ST6GALNAC2: variants seen among roughly 807,000 people sequenced by gnomAD.
ST6GALNAC2 encodes alpha-N-acetylgalactosaminide alpha-2,6-sialyltransferase 2.
In ST6GALNAC2, 42 loss-of-function variants were observed where a neutral mutation model predicts 38.7. That is an observed-to-expected ratio of 1.09 (90% confidence interval 0.85 to 1.40). ST6GALNAC2 has a LOEUF of 1.40. Among genes scored for constraint, ST6GALNAC2 ranks in the 40% most tolerant of loss-of-function variants. The pLI is 0.00. For synonymous variants in ST6GALNAC2, 233 were observed against 209.0 expected (o/e 1.11, Z -0.99); for missense variants, 506 against 481.7 (o/e 1.05, Z -0.47).
At chr17:76,574,021 G>A (rs1017656120) in intron 3 of ST6GALNAC2, among the ~76,000 whole-genome samples, 2 of 152,326 alleles carry the variant, frequency 1.3e-5, no homozygotes, top group African/African-American at 2.4e-5. Context: ...TGGGCCTGCA[G>A]TGTGGGGGTT....
At position 76,572,688 on chromosome 17, in the gene ST6GALNAC2, GTTC is replaced by G; in HGVS notation, c.615_617del (p.Lys205del). 1 of 1,614,174 alleles carries G rather than the reference GTTC, an allele frequency of 6.2e-7. No individual in the cohort carries two copies. The highest frequency in any genetic ancestry group is 8.5e-7 in the Non-Finnish European group (1 of 1,180,022). On this transcript the variant is annotated inframe_deletion, in exon 5 of 9. Coordinates refer to ENST00000225276, the MANE Select transcript of ST6GALNAC2 (RefSeq NM_006456.3). The stretch of plus-strand genomic sequence containing the variant: ...CCAGATTCCAGTAGGAGACGAGGGA[GTTC>G]TTCATCGTGTTCACAGTGAAACCAT...
chr17:76,571,589 G>A (rs544934906), intron 5 of ST6GALNAC2, among the ~76,000 whole-genome samples: 6 of 152,314 alleles, frequency 3.9e-5, no homozygotes, highest in South Asian at 4.1e-4. Flanking sequence ...GTGAGACTCC[G>A]TCTCAAAACA....
At chr17:76,580,131 C>A (rs973194648) in intron 1 of ST6GALNAC2, among the ~76,000 whole-genome samples, 5 of 152,102 alleles carry the variant, frequency 3.3e-5, no homozygotes, top group African/African-American at 1.2e-4. Flanking sequence ...AAAAAGTGTC[C>A]TCTAGGTGGC....
chr17:76,572,955 C>T (rs184529084), intron 4 of ST6GALNAC2, among the ~76,000 whole-genome samples, 180 bp from the exon 5 acceptor site: 101 of 152,280 alleles, frequency 6.6e-4, no homozygotes, highest in African/African-American at 2.3e-3. Context: ...CAAGGGGTGA[C>T]GCCCTGTGAG....
chr17:76,583,203 G>A (rs1049563832), intron 1 of ST6GALNAC2, among the ~76,000 whole-genome samples: 13 of 151,938 alleles, frequency 8.6e-5, no homozygotes, highest in Non-Finnish European at 1.8e-4. Context: ...GTGAAAACCT[G>A]TCTGTACTAA....
At chr17:76,567,585 G>T in intron 7 of ST6GALNAC2, 33 bp from the exon 8 acceptor site, 1 of 1,397,816 alleles carries the variant, frequency 7.2e-7, no homozygotes, top group Non-Finnish European at 1.0e-6. Context: ...CAGCTCACTA[G>T]CTTGATGGCT....
At position 76,565,856 on chromosome 17, in the gene ST6GALNAC2, G is replaced by A; in HGVS notation, c.*248C>T. 2.3e-6 allele frequency: 1 copy of A among 436,294 alleles called. No homozygotes were observed. The highest frequency in any genetic ancestry group is 4.1e-6 in the Non-Finnish European group (1 of 244,432). 27.0% of individuals were successfully genotyped at this position (436,294 alleles called of 1,614,324 possible). A position where few individuals can be genotyped will look rare whatever the true frequency, so the allele number is the denominator to read the frequency against. On this transcript the variant is annotated 3_prime_UTR_variant, in exon 9 of 9. Transcript: ENST00000225276. ...CCTAAAGTTGCTCAGTGCCAATCCA[G>A]CAAAGCAGTCCATTTTCCCTTGGCC...
At chr17:76,569,482 G>C in intron 6 of ST6GALNAC2, 2 of 365,328 alleles carry the variant, frequency 5.5e-6, no homozygotes, top group East Asian at 7.7e-5. Flanking sequence ...AGAGGGCTGT[G>C]AGGCATTTGG....
At chr17:76,567,781 T>G in intron 7 of ST6GALNAC2, 1 of 469,086 alleles carries the variant, frequency 2.1e-6, no homozygotes, top group East Asian at 3.9e-5. Flanking sequence ...TGGCAACAGC[T>G]TGTTTTCACC....
intron 2 of ST6GALNAC2, among the ~76,000 whole-genome samples, chr17:76,574,968 G>A (rs1427883702): frequency 1.3e-5 from 2 of 152,104 alleles, no homozygotes; most frequent in African/African-American, 2.4e-5. Flanking sequence ...GAGCCACCGC[G>A]CCTGGCCCAT....
chr17:76,566,246 C>T lies in ST6GALNAC2; in HGVS notation c.983G>A (p.Ser328Asn), dbSNP rs1274794536. 1 of 1,614,084 alleles carries T rather than the reference C, an allele frequency of 6.2e-7. No homozygotes were observed. The highest frequency in any genetic ancestry group is 1.1e-5 in the South Asian group (1 of 91,084). ...GTGGTCGGAAAATTTCCAGTAGTTG[C>T]TTGTGATGAATCCATAGGCACTGAC... is the stretch of plus-strand genomic sequence containing the variant. ...DQVSAYGFITSNYWKFSDHYF... is the reference protein window; with the variant it reads ...DQVSAYGFITNNYWKFSDHYF... Residue 328 changes from serine (S) to asparagine (N), a missense_variant, in exon 9 of 9, where the codon AGC becomes AAC. Physicochemically the swap from Ser to Asn is conservative, Grantham distance 46 (BLOSUM62 1). Coordinates refer to ENST00000225276, the MANE Select transcript of ST6GALNAC2 (RefSeq NM_006456.3).
chr17:76,582,777 G>A (rs1262948019), intron 1 of ST6GALNAC2, among the ~76,000 whole-genome samples: 10 of 152,130 alleles, frequency 6.6e-5, no homozygotes, highest in Admixed American at 6.5e-4. Flanking sequence ...CCAAGCTGGG[G>A]AAGCTCATGT....
chr17:76,565,904 G>T lies in ST6GALNAC2; in HGVS notation c.*200C>A. 1.8e-6 allele frequency: 1 copy of T among 557,898 alleles called. No individual in the cohort carries two copies. The highest frequency in any genetic ancestry group is 3.1e-6 in the Non-Finnish European group (1 of 321,348). The allele number at this position is 557,898 out of a possible 1,614,324, so 34.6% of individuals were successfully genotyped here. A position where few individuals can be genotyped will look rare whatever the true frequency, so the allele number is the denominator to read the frequency against. On this transcript the variant is annotated 3_prime_UTR_variant, in exon 9 of 9. Coordinates refer to ENST00000225276, the MANE Select transcript of ST6GALNAC2 (RefSeq NM_006456.3). ...GCCAAGATTGAGATGTATTGTTTTA[G>T]ATACAGAAGAGTTCTTGGATGAGCC...
intron 2 of ST6GALNAC2, among the ~76,000 whole-genome samples, chr17:76,578,050 C>G (rs10512610): frequency 0.1 from 15,446 of 152,172 alleles, 908 homozygotes; most frequent in Middle Eastern, 0.15. Flanking sequence ...CTGTATTAAT[C>G]CAGAACAACA....
chr17:76,577,437 C>T lies in ST6GALNAC2; in HGVS notation c.186+1319G>A, dbSNP rs140358864. Among the ~76,000 whole-genome samples, 406 of 152,114 alleles carry T rather than the reference C, an allele frequency of 2.7e-3. 3 individuals are homozygous for T. The highest frequency in any genetic ancestry group is 0.014 in the South Asian group (66 of 4,814). On this transcript the variant is annotated intron_variant, in intron 2 of 8. Coordinates refer to ENST00000225276, the MANE Select transcript of ST6GALNAC2 (RefSeq NM_006456.3). ...TTGGTTTAGACCAGGTGGGGACATA[C>T]GTCAGTTAGCAATGAACAGCTCAAG...
At chr17:76,577,316 C>T (rs1250593882) in intron 2 of ST6GALNAC2, among the ~76,000 whole-genome samples, 1 of 151,858 alleles carries the variant, frequency 6.6e-6, no homozygotes, top group Non-Finnish European at 1.5e-5. Flanking sequence ...GATCCACCCA[C>T]CTCGGCCTCC....
At chr17:76,566,431 G>A (rs897779755) in intron 8 of ST6GALNAC2, among the ~76,000 whole-genome samples, 160 bp from the exon 9 acceptor site, 6 of 152,168 alleles carry the variant, frequency 3.9e-5, no homozygotes, top group African/African-American at 1.4e-4. Context: ...GGATTCAGGG[G>A]TGACTCACTG....
intron 6 of ST6GALNAC2, 149 bp downstream of exon 6, chr17:76,570,416 T>C (rs1262359994): frequency 3.3e-6 from 2 of 612,762 alleles, no homozygotes; most frequent in South Asian, 3.8e-5. Context: ...ATGTGAATAA[T>C]TGGGGATGAT....
chr17:76,577,069 T>TGC lies in ST6GALNAC2; in HGVS notation c.186+1686_186+1687insGC. On this transcript the variant is annotated intron_variant, in intron 2 of 8. Transcript: ENST00000225276. ...TTAACAAATTCTTTTTTTTCTTTTT[T>TGC]TTTTTTTTTTTTTTGAGACGGAGTT... Among the ~76,000 whole-genome samples the TGC allele has an allele frequency of 5.2e-5, 3 of 57,926 alleles. No homozygotes were observed. In the South Asian group the frequency reaches 1.7e-3, roughly 32 times the overall value. 38.0% of individuals were successfully genotyped at this position (57,926 alleles called of 152,430 possible).
Sources: gnomAD v4.1 joint callset for allele counts (sites outside exome capture counted in the v4.1 genomes callset) on GRCh38, gnomAD v4.1.1 for gene constraint, MANE v1.5 for transcripts, NCBI Gene and HGNC (gene_info 2026-07-23, HGNC 2026-07-21) for gene names.